Variants in DMTF1 observed in about 807,000 individuals in gnomAD.
DMTF1 encodes cyclin-D-binding Myb-like transcription factor 1.
DMTF1 carries 39 observed loss-of-function variants against 91.1 expected under a neutral mutation model. That is an observed-to-expected ratio of 0.43 (90% CI 0.33 to 0.56). DMTF1 has a LOEUF of 0.56. DMTF1 is among the 20% of genes least tolerant of loss of function. The pLI, the probability that DMTF1 is intolerant of heterozygous loss-of-function variation, is 0.05. For missense variants in DMTF1, 750 were observed against 914.5 expected (o/e 0.82, Z 2.32); for synonymous variants, 338 against 309.5 (o/e 1.09, Z -0.97).
At chr7:87,183,633 C>T (rs1217687869) in intron 10 of DMTF1, among the ~76,000 whole-genome samples, 2 of 152,138 alleles carry the variant, frequency 1.3e-5, no homozygotes, top group Admixed American at 6.5e-5. Context: ...AAAGCAAGCA[C>T]AGTCTTTTTG....
chr7:87,171,004 A>G lies in DMTF1; in HGVS notation c.242A>G (p.Asn81Ser). 1 of 1,609,780 alleles carries G rather than the reference A, an allele frequency of 6.2e-7. No homozygotes were observed. The highest frequency in any genetic ancestry group is 8.5e-7 in the Non-Finnish European group (1 of 1,176,988). ...ISVVALPLSE[N>S]DQSFEVTMTA... ...GTTCCTTTTCTTGAAGTTTCAGAAA[A>G]TGATCAGAGCTTTGAAGTGACCATG... The change falls in exon 5 of 18, where the codon AAT (asparagine) becomes AGT (serine). Residue 81 changes from asparagine (N) to serine (S), a missense_variant. By Grantham distance (46) the Asn-to-Ser change is conservative (BLOSUM62 1). Coordinates refer to ENST00000331242, the MANE Select transcript of DMTF1 (RefSeq NM_001142327.2).
rs371003269 is a variant in DMTF1 at position 87,193,885 on chromosome 7, C to T, written c.1811C>T (p.Pro604Leu). ...CAGTCATCTGATTTTCCTGAGCCTCCAGACGCCCTAGAAGCAGACACTTTC... is the reference window on the plus strand; with the variant it reads ...CAGTCATCTGATTTTCCTGAGCCTCTAGACGCCCTAGAAGCAGACACTTTC... ...DIQSSDFPEP[P>L]DALEADTFPD... Residue 604 changes from proline to leucine, a missense_variant, in exon 16 of 18, where the codon CCA (proline) becomes CTA (leucine). Pro to Leu is a moderately conservative substitution (Grantham distance 98). This residue lies in a region of DMTF1 where 410 missense variants were observed against 420.2 expected (regional missense o/e 0.98). Transcript: ENST00000331242. 6.2e-7 allele frequency: 1 copy of T among 1,613,350 alleles called. No homozygotes were observed. The highest frequency in any genetic ancestry group is 1.3e-5 in the African/African-American group (1 of 74,934).
chr7:87,167,942 T>A (rs965740479), intron 4 of DMTF1, among the ~76,000 whole-genome samples: 1 of 152,246 alleles, frequency 6.6e-6, no homozygotes, highest in Non-Finnish European at 1.5e-5. Context: ...TGCAATGTCT[T>A]GTTCATGATT....
At chr7:87,189,337 TTATCTTTCTACCAGTGTAATCAACAA>T (rs1473194523) in intron 13 of DMTF1, among the ~76,000 whole-genome samples, 3 of 152,282 alleles carry the variant, frequency 2.0e-5, no homozygotes, top group Non-Finnish European at 4.4e-5. Context: ...CTGAATTTGG[TTATCTTTCTACCAGTGTAATCAACAA>T]TGAAGGATTT....
At chr7:87,160,383 T>A (rs1791989502) in intron 1 of DMTF1, among the ~76,000 whole-genome samples, 1 of 151,802 alleles carries the variant, frequency 6.6e-6, no homozygotes, top group African/African-American at 2.4e-5. Context: ...CAAGTGATTC[T>A]CCTGCCTCAG....
intron 13 of DMTF1, among the ~76,000 whole-genome samples, chr7:87,189,665 G>A (rs1414647228): frequency 6.6e-6 from 1 of 151,962 alleles, no homozygotes; most frequent in African/African-American, 2.4e-5. Flanking sequence ...ATCTCTTTTC[G>A]TTTTTTAGGT....
At chr7:87,154,766 G>C (rs1173113540) in intron 1 of DMTF1, among the ~76,000 whole-genome samples, 2 of 152,040 alleles carry the variant, frequency 1.3e-5, no homozygotes, top group Non-Finnish European at 2.9e-5. Flanking sequence ...TTTTTTTAGA[G>C]ATCTCTTTTT....
chr7:87,194,317 C>T (rs1460539558), intron 16 of DMTF1: 3 of 532,238 alleles, frequency 5.6e-6, no homozygotes. Flanking sequence ...CAGTTCCTCA[C>T]TAAAACTTTT....
intron 1 of DMTF1, among the ~76,000 whole-genome samples, chr7:87,157,975 TATG>T (rs895779506): frequency 2.6e-5 from 4 of 152,106 alleles, no homozygotes; most frequent in African/African-American, 9.6e-5. Context: ...TTTTAAGAAA[TATG>T]ATGCATTAAA....
rs1485067086 is a variant in DMTF1 at position 87,169,783 on chromosome 7, A to G, written c.233-1212A>G. On this transcript the variant is annotated intron_variant, in intron 4 of 17. Transcript: ENST00000331242. ...GTAGAAAACATTCCTCTGGTTTTCT[A>G]TTTTTCTGTCCATTTCTTCTTAGTC... Among the ~76,000 whole-genome samples the G allele has an allele frequency of 4.6e-5, 7 of 152,018 alleles. No individual in the cohort carries two copies. The East Asian group carries it at 9.6e-4, about 21-fold the overall frequency.
intron 7 of DMTF1, among the ~76,000 whole-genome samples, chr7:87,177,785 T>C (rs898738254): frequency 1.3e-5 from 2 of 152,106 alleles, no homozygotes; most frequent in Non-Finnish European, 2.9e-5. Flanking sequence ...TCTGTGTAGA[T>C]GTCTAATTCC....
intron 4 of DMTF1, among the ~76,000 whole-genome samples, chr7:87,169,381 C>T (rs1794586750): frequency 6.6e-6 from 1 of 152,142 alleles, no homozygotes; most frequent in African/African-American, 2.4e-5. Flanking sequence ...ATTGCTTGAG[C>T]CTGGGAGGTT....
Position 87,195,307 on chromosome 7 carries a change from C to T in DMTF1, c.*167C>T, listed in dbSNP as rs1202503061. ...GCTATGACTTTTTACCTCCTTTAAA[C>T]ACATCATCTGAGGTTGAGTTTTATG... is the stretch of plus-strand genomic sequence containing the variant. On this transcript the variant is annotated 3_prime_UTR_variant, in exon 18 of 18. Coordinates refer to ENST00000331242, the MANE Select transcript of DMTF1 (RefSeq NM_001142327.2). 1 of 551,872 alleles carries T rather than the reference C, an allele frequency of 1.8e-6. No homozygotes were observed. Among genetic ancestry groups the T allele is most frequent in the Non-Finnish European group, 3.2e-6 (1 of 310,076 alleles). 34.2% of individuals were successfully genotyped at this position (551,872 alleles called of 1,614,324 possible). A position where few individuals can be genotyped will look rare whatever the true frequency, so the allele number is the denominator to read the frequency against.
chr7:87,166,826 T>C (rs960204117), intron 4 of DMTF1, among the ~76,000 whole-genome samples: 2 of 152,224 alleles, frequency 1.3e-5, no homozygotes, highest in African/African-American at 2.4e-5. Context: ...CTTTTTTTTT[T>C]CAATTGCCCC....
chr7:87,172,126 C>G (rs1795198657), intron 5 of DMTF1, among the ~76,000 whole-genome samples: 1 of 152,116 alleles, frequency 6.6e-6, no homozygotes, highest in African/African-American at 2.4e-5. Context: ...TTGTATGTAT[C>G]AAGGTCTTTT....
intron 1 of DMTF1, chr7:87,163,146 A>G (rs1386764895): frequency 6.6e-6 from 1 of 151,928 alleles, no homozygotes; most frequent in East Asian, 1.9e-4. Context: ...TGCTGTATTG[A>G]TTGATATACA....
intron 1 of DMTF1, among the ~76,000 whole-genome samples, chr7:87,158,534 C>CTT (rs950105865): frequency 5.3e-5 from 8 of 151,982 alleles, no homozygotes; most frequent in African/African-American, 1.9e-4. Flanking sequence ...TGAGTTAAAA[C>CTT]TTTAAGAGTT....
At chr7:87,160,436 G>A (rs1041153054) in intron 1 of DMTF1, among the ~76,000 whole-genome samples, 3 of 151,728 alleles carry the variant, frequency 2.0e-5, no homozygotes, top group South Asian at 4.2e-4. Flanking sequence ...CACCACACCC[G>A]GCTAATTTTT....
chr7:87,174,597 T>C lies in DMTF1; in HGVS notation c.447T>C (p.His149=). 1 of 1,604,308 alleles carries C rather than the reference T, an allele frequency of 6.2e-7. No homozygotes were observed. The highest frequency in any genetic ancestry group is 1.7e-5 in the Admixed American group (1 of 59,330). The part of the protein sequence containing the change: ...EDKDSLTNKG[H]KWKQGMWSKE... ...ATTACTTGTTTTCTTTTAAAGGACATAAATGGAAGCAGGGGATGTGGTCCA... is the reference window on the plus strand; with the variant it reads ...ATTACTTGTTTTCTTTTAAAGGACACAAATGGAAGCAGGGGATGTGGTCCA... Residue 149 remains histidine (H), a synonymous_variant, in exon 7 of 18, where the codon CAT becomes CAC. Transcript: ENST00000331242.
Sources: gnomAD v4.1 joint callset for allele counts (sites outside exome capture counted in the v4.1 genomes callset) on GRCh38, gnomAD v4.1.1 for gene constraint, gnomAD v4.1.1 regional missense constraint, MANE v1.5 for transcripts, NCBI Gene and HGNC (gene_info 2026-07-23, HGNC 2026-07-21) for gene names.